Variants in CSMD1 observed in about 807,000 individuals in gnomAD.
CSMD1 encodes the protein CUB and sushi domain-containing protein 1.
In CSMD1, 213 loss-of-function variants were observed where a neutral mutation model predicts 417.5. The observed-to-expected ratio is 0.51, with a 90% CI of 0.46 to 0.57. The LOEUF (loss-of-function observed/expected upper bound fraction) is 0.57. Among genes scored for constraint, CSMD1 ranks in the 20% least tolerant of loss-of-function variants. The pLI, the probability that CSMD1 is intolerant of heterozygous loss-of-function variation, is 0.00. For missense variants in CSMD1, 6,923 were observed against 4,529.7 expected, an observed-to-expected ratio of 1.53 and a Z score of -15.17; for synonymous variants, 2,862 against 1,736.8, an observed-to-expected ratio of 1.65 and a Z score of -16.11.
At chr8:3,617,569 T>C (rs1220722459) in intron 7 of CSMD1, among the ~76,000 whole-genome samples, 1 of 152,150 alleles carries the variant, frequency 6.6e-6, no homozygotes, top group Non-Finnish European at 1.5e-5. Flanking sequence ...CTGGGAAACA[T>C]TACAGGATGC....
At chr8:4,428,811 C>G (rs1360401004) in intron 2 of CSMD1, among the ~76,000 whole-genome samples, 1 of 152,152 alleles carries the variant, frequency 6.6e-6, no homozygotes, top group East Asian at 1.9e-4. Context: ...CCTCCACCTC[C>G]CAGGTTGAAG....
At chr8:4,525,282 T>C (rs748628799) in intron 2 of CSMD1, among the ~76,000 whole-genome samples, 6 of 152,148 alleles carry the variant, frequency 3.9e-5, no homozygotes, top group Non-Finnish European at 5.9e-5. Flanking sequence ...CAACACTCTG[T>C]AGTATGGTCT....
intron 1 of CSMD1, among the ~76,000 whole-genome samples, chr8:4,889,021 C>G (rs1251731434): frequency 6.6e-6 from 1 of 152,068 alleles, no homozygotes; most frequent in Admixed American, 6.5e-5. Context: ...ATTTGGCAAA[C>G]ACGATGGCAT....
In CSMD1 at chr8:3,387,469, C is replaced by T. The variant is rs759087445; in HGVS notation, c.2782+25G>A. ...GCTGTCTCTGCACACCCTGCTGGTGCATTGCCTCACTGAGCTGTACCTACC... is the reference window on the plus strand; with the variant it reads ...GCTGTCTCTGCACACCCTGCTGGTGTATTGCCTCACTGAGCTGTACCTACC... On this transcript the variant is annotated intron_variant, in intron 18 of 69. Coordinates refer to ENST00000635120, the MANE Select transcript of CSMD1 (RefSeq NM_033225.6). 4.5e-6 allele frequency: 7 copies of T among 1,568,436 alleles called. No homozygotes were observed. In the South Asian group the frequency reaches 5.9e-5, roughly 13 times the overall value.
Position 4,791,431 on chromosome 8 carries a change from C to T in CSMD1, c.86-153873G>A, listed in dbSNP as rs536429871. ...TTATGTGTTGTGGGTGGGACCCCAT[C>T]CCTTGGTCTATAAGGTTTGTGATCT... On this transcript the variant is annotated intron_variant, in intron 1 of 69. Transcript: ENST00000635120. 1.3e-4 allele frequency among the ~76,000 whole-genome samples: 20 copies of T among 152,312 alleles called. No homozygotes were observed. In the South Asian group the frequency reaches 4.1e-3, roughly 32 times the overall value.
intron 5 of CSMD1, among the ~76,000 whole-genome samples, chr8:3,918,643 G>A (rs150150227): frequency 1.3e-5 from 2 of 152,038 alleles, no homozygotes; most frequent in African/African-American, 4.8e-5. Flanking sequence ...CATCAAAAAC[G>A]AGTGGATAAA....
At chr8:4,244,924 T>G (rs1802614226) in intron 3 of CSMD1, among the ~76,000 whole-genome samples, 1 of 152,168 alleles carries the variant, frequency 6.6e-6, no homozygotes, top group South Asian at 2.1e-4. Context: ...ATCTTCCAAT[T>G]TGTCATCACC....
intron 25 of CSMD1, among the ~76,000 whole-genome samples, chr8:3,286,699 G>C (rs561686100): frequency 1.4e-4 from 22 of 151,816 alleles, no homozygotes; most frequent in African/African-American, 5.1e-4. Flanking sequence ...ATTTGTTAGA[G>C]TTCATTGTAG....
At position 3,205,608 on chromosome 8, in the gene CSMD1, C is replaced by T. The variant is rs770086910; in HGVS notation, c.4880G>A (p.Gly1627Asp). ...VLPSCNAPCG[G>D]QYTGSEGVVL... ...TACCCCTTCTGATCCCGTGTACTGG[C>T]CTCCACAGGGAGCTGAAAATAAAAT... Residue 1627 changes from glycine (G) to aspartate (D), a missense_variant, in exon 31 of 70, where the codon GGC (glycine) becomes GAC (aspartate). Physicochemically the swap from Gly to Asp is moderately conservative, Grantham distance 94. Coordinates refer to ENST00000635120, the MANE Select transcript of CSMD1 (RefSeq NM_033225.6). 2.6e-6 allele frequency: 4 copies of T among 1,553,082 alleles called. No homozygotes were observed. Among genetic ancestry groups the T allele is most frequent in the Non-Finnish European group, 3.5e-6 (4 of 1,137,594 alleles).
chr8:4,197,087 A>G (rs1189290500), intron 3 of CSMD1, among the ~76,000 whole-genome samples: 2 of 152,202 alleles, frequency 1.3e-5, no homozygotes, highest in South Asian at 4.1e-4. Flanking sequence ...GAAATGAAAC[A>G]TCAAGATGAA....
chr8:4,135,912 A>G (rs1238103874), intron 3 of CSMD1, among the ~76,000 whole-genome samples: 1 of 152,190 alleles, frequency 6.6e-6, no homozygotes, highest in African/African-American at 2.4e-5. Context: ...TTTATTTAGC[A>G]TATGTTAGTT....
In CSMD1 at chr8:4,180,416, G is replaced by C. The variant is rs1181320121; in HGVS notation, c.416-148317C>G. ...CACAGGAAGGGGAACATCACACTCTGGGGACTGCTGTGGGGTGGGGGGAGG... is the reference window on the plus strand; with the variant it reads ...CACAGGAAGGGGAACATCACACTCTCGGGACTGCTGTGGGGTGGGGGGAGG... On this transcript the variant is annotated intron_variant, in intron 3 of 69. Coordinates refer to ENST00000635120, the MANE Select transcript of CSMD1 (RefSeq NM_033225.6). Among the ~76,000 whole-genome samples, 7 of 136,860 alleles carry C rather than the reference G, an allele frequency of 5.1e-5. No homozygotes were observed. The South Asian group carries it at 1.7e-3, about 33-fold the overall frequency. The allele number at this position is 136,860 out of a possible 152,430, so 89.8% of individuals were successfully genotyped here. A position where few individuals can be genotyped will look rare whatever the true frequency, so the allele number is the denominator to read the frequency against.
intron 5 of CSMD1, among the ~76,000 whole-genome samples, chr8:3,865,330 A>C (rs1023821013): frequency 6.6e-6 from 1 of 152,168 alleles, no homozygotes; most frequent in African/African-American, 2.4e-5. Context: ...TTTAATCTGT[A>C]AACTCTGAAA....
At chr8:3,150,088 G>A (rs776211701) in intron 40 of CSMD1, among the ~76,000 whole-genome samples, 11 of 152,340 alleles carry the variant, frequency 7.2e-5, no homozygotes, top group Non-Finnish European at 1.0e-4. Flanking sequence ...AACAGTGGAA[G>A]CAACGTTGCT....
intron 41 of CSMD1, among the ~76,000 whole-genome samples, chr8:3,138,560 T>C (rs2129029856): frequency 6.6e-6 from 1 of 152,332 alleles, no homozygotes; most frequent in Admixed American, 6.5e-5. Context: ...AGCTTCTGAA[T>C]GAGGAGACCT....
intron 52 of CSMD1, among the ~76,000 whole-genome samples, chr8:3,011,431 T>C (rs1024196949): frequency 9.9e-5 from 15 of 152,138 alleles, no homozygotes; most frequent in African/African-American, 3.6e-4. Context: ...CTTTCCAAAA[T>C]ACAAGGCAAT....
At chr8:2,997,207 T>C (rs1806983284) in intron 54 of CSMD1, among the ~76,000 whole-genome samples, 2 of 152,264 alleles carry the variant, frequency 1.3e-5, no homozygotes, top group Non-Finnish European at 2.9e-5. Context: ...TAGGAGTCTT[T>C]ACTTAGCCTT....
intron 5 of CSMD1, among the ~76,000 whole-genome samples, chr8:3,829,784 T>G (rs1025439195): frequency 6.6e-6 from 1 of 152,180 alleles, no homozygotes; most frequent in African/African-American, 2.4e-5. Flanking sequence ...ACAGGAATAT[T>G]GAATGAGGTT....
intron 49 of CSMD1, among the ~76,000 whole-genome samples, chr8:3,067,181 G>A (rs1022163779): frequency 2.0e-5 from 3 of 152,086 alleles, no homozygotes; most frequent in African/African-American, 2.4e-5. Context: ...AACAAGGTGC[G>A]TGGCAATGTT....
Sources: allele counts gnomAD v4.1 joint callset (sites outside exome capture counted in the v4.1 genomes callset), GRCh38; gene constraint gnomAD v4.1.1; transcripts MANE v1.5; gene names NCBI Gene and HGNC (gene_info 2026-07-23, HGNC 2026-07-21).